ZNF16: variants seen among roughly 807,000 people sequenced by gnomAD.
The protein encoded by ZNF16 is zinc finger protein 16.
ZNF16 carries 7 observed loss-of-function variants against 9.0 expected under a neutral mutation model. The ratio of observed to expected loss-of-function variants is 0.78; its 90% CI spans 0.44 to 1.47. ZNF16 has a LOEUF of 1.47. Among genes scored for constraint, ZNF16 ranks in the 40% most tolerant of loss-of-function variants. ZNF16 has a pLI of 0.01. For missense variants in ZNF16, 830 were observed against 854.2 expected (o/e 0.97, Z 0.35); for synonymous variants, 312 against 301.5 (o/e 1.03, Z -0.36).
In ZNF16 at chr8:144,942,476, C is replaced by T. The variant is rs1394127785; in HGVS notation, c.196+3535G>A. On this transcript the variant is annotated intron_variant, in intron 2 of 2. Transcript: ENST00000394909. The stretch of plus-strand genomic sequence containing the variant: ...CTAATTTTTGTATTTTTAGTAGAGA[C>T]AGGGTTTCACCATGTTGGCCAGGCT... Among the ~76,000 whole-genome samples, 36 of 151,740 alleles carry T rather than the reference C, an allele frequency of 2.4e-4. 1 individual carries two copies. Among genetic ancestry groups the T allele is most frequent in the Admixed American group, 2.4e-3 (36 of 15,218 alleles).
intron 1 of ZNF16, among the ~76,000 whole-genome samples, chr8:144,950,062 C>T (rs376060648): frequency 3.5e-4 from 53 of 152,318 alleles, no homozygotes; most frequent in East Asian, 9.7e-4. Context: ...ATGTTGGCAG[C>T]AATGCTGCCT....
intron 2 of ZNF16, among the ~76,000 whole-genome samples, chr8:144,943,306 G>A (rs1833847431): frequency 6.6e-6 from 1 of 152,110 alleles, no homozygotes; most frequent in Non-Finnish European, 1.5e-5. Context: ...TGATTAGAAA[G>A]AGACCTGGTG....
At chr8:144,937,574 T>C (rs1833714281) in intron 2 of ZNF16, among the ~76,000 whole-genome samples, 1 of 152,222 alleles carries the variant, frequency 6.6e-6, no homozygotes, top group South Asian at 2.1e-4. Flanking sequence ...ATTGGGAAGA[T>C]TTACCCCTAC....
chr8:144,950,643 C>T (rs1416627664), intron 1 of ZNF16, 154 bp downstream of exon 1: 4 of 150,656 alleles, frequency 2.7e-5, no homozygotes, highest in Non-Finnish European at 5.9e-5. Context: ...CCCCCGCGCT[C>T]CCACAACCCC....
rs754692454 is a variant in ZNF16, at chr8:144,932,023, C to T, written c.764G>A (p.Arg255His). 3.3e-5 allele frequency: 53 copies of T among 1,613,840 alleles called. 1 individual carries two copies. The highest frequency in any genetic ancestry group is 1.6e-4 in the Middle Eastern group (1 of 6,082). Reference protein sequence around the residue: ...TFSQNSVLKNRHRSHMSEKAY... With the variant: ...TFSQNSVLKNHHRSHMSEKAY... The stretch of plus-strand genomic sequence containing the variant: ...TTTCTCACTCATATGAGATCGATGA[C>T]GGTTTTTAAGAACTGAGTTCTGGCT... The change falls in exon 3 of 3, where the codon CGT becomes CAT. Residue 255 changes from arginine (R) to histidine (H), a missense_variant. By Grantham distance (29) the Arg-to-His change is conservative (BLOSUM62 0). Transcript: ENST00000394909. This position sits in a 1 kb window ranked among gnomAD's most constrained non-coding sequence, Gnocchi z 5.0.
intron 2 of ZNF16, chr8:144,945,042 G>C (rs994924162): frequency 6.6e-6 from 1 of 151,880 alleles, no homozygotes; most frequent in African/African-American, 2.4e-5. Flanking sequence ...AAAGCTTATG[G>C]TCTTAACAGG....
rs183074938 is a variant in ZNF16 at position 144,931,545 on chromosome 8, G to A, written c.1242C>T (p.Phe414=). Residue 414 remains phenylalanine, a synonymous_variant, in exon 3 of 3, where the codon TTC becomes TTT. Coordinates refer to ENST00000394909, the MANE Select transcript of ZNF16 (RefSeq NM_006958.3). ...GCTTAATGAGGTTGGAGACCCGACT[G>A]AAGGGCTTGCCACAATCATTACACT... ...PYECNDCGKP[F]SRVSNLIKHH... 3 of 1,614,022 alleles carry A rather than the reference G, an allele frequency of 1.9e-6. No individual in the cohort carries two copies. The East Asian group carries it at 6.7e-5, about 36-fold the overall frequency.
intron 2 of ZNF16, among the ~76,000 whole-genome samples, chr8:144,934,311 C>T (rs1833630574): frequency 6.6e-6 from 1 of 152,266 alleles, no homozygotes; most frequent in Non-Finnish European, 1.5e-5. Flanking sequence ...CAGCTCCCTA[C>T]TTCCTGGAGT....
intron 1 of ZNF16, chr8:144,950,438 A>G (rs1226064305): frequency 6.6e-6 from 1 of 151,902 alleles, no homozygotes; most frequent in East Asian, 1.9e-4. Flanking sequence ...AGGGCAGGCC[A>G]CCCCTTCACC....
At chr8:144,949,855 G>A (rs758024072) in intron 1 of ZNF16, among the ~76,000 whole-genome samples, 16 of 152,156 alleles carry the variant, frequency 1.1e-4, no homozygotes, top group South Asian at 8.3e-4. Context: ...AGACCTGACC[G>A]TCCCCCAGCC....
Position 144,930,659 on chromosome 8 carries a change from G to T in ZNF16, c.*79C>A. 6.8e-7 allele frequency: 1 copy of T among 1,467,954 alleles called. No individual in the cohort carries two copies. The highest frequency in any genetic ancestry group is 9.1e-7 in the Non-Finnish European group (1 of 1,100,520). The allele number at this position is 1,467,954 out of a possible 1,614,324, so 90.9% of individuals were successfully genotyped here. On this transcript the variant is annotated 3_prime_UTR_variant, in exon 3 of 3. Coordinates refer to ENST00000394909, the MANE Select transcript of ZNF16 (RefSeq NM_006958.3). Reference sequence around the variant, plus strand: ...TGAGTCCAGGCTTTCGGTCTGGGAAGTGGCAGAGGCTGAGACAATGGCCAA... The same window carrying T: ...TGAGTCCAGGCTTTCGGTCTGGGAATTGGCAGAGGCTGAGACAATGGCCAA...
rs1833611210 is a variant in ZNF16 at position 144,933,709 on chromosome 8, A to G, written c.197-1119T>C. 6.6e-6 allele frequency among the ~76,000 whole-genome samples: 1 copy of G among 151,674 alleles called. No homozygotes were observed. Among genetic ancestry groups the G allele is most frequent in the Non-Finnish European group, 1.5e-5 (1 of 67,922 alleles). Reference sequence around the variant, plus strand: ...CCTGGCCCTCCTAGACCCCACCTCTACCTCTGCTCCTGCTATACTCTGAGC... The same window carrying G: ...CCTGGCCCTCCTAGACCCCACCTCTGCCTCTGCTCCTGCTATACTCTGAGC... On this transcript the variant is annotated intron_variant, in intron 2 of 2. Transcript: ENST00000394909. This position sits in a 1 kb window ranked among gnomAD's most constrained non-coding sequence, Gnocchi z 5.6.
rs952417772 is a variant in ZNF16 at position 144,933,863 on chromosome 8, C to A, written c.197-1273G>T. Among the ~76,000 whole-genome samples the A allele has an allele frequency of 6.6e-5, 10 of 152,196 alleles. No individual in the cohort carries two copies. On this transcript the variant is annotated intron_variant, in intron 2 of 2. Transcript: ENST00000394909. This position sits in a 1 kb window ranked among gnomAD's most constrained non-coding sequence, Gnocchi z 5.6. ...CCTGATCATAAATGCCAGCACCCCA[C>A]CTACTTTCCTTGCCCCCACCCTGGC... is the stretch of plus-strand genomic sequence containing the variant.
chr8:144,931,879 C>T lies in ZNF16; in HGVS notation c.908G>A (p.Ser303Asn), dbSNP rs80044147. 3.2e-3 allele frequency: 5,146 copies of T among 1,614,206 alleles called. 15 individuals are homozygous for T. Among genetic ancestry groups the T allele is most frequent in the Non-Finnish European group, 4.2e-3 (4,950 of 1,180,044 alleles). The part of the protein sequence containing the change: ...YMCNECGKAF[S>N]QNSSLKKHQK... Reference sequence around the variant, plus strand: ...GTGCTTTTTAAGGCTCGAGTTCTGGCTGAAGGCTTTTCCACATTCATTACA... The same window carrying T: ...GTGCTTTTTAAGGCTCGAGTTCTGGTTGAAGGCTTTTCCACATTCATTACA... Residue 303 changes from serine to asparagine, a missense_variant, in exon 3 of 3, where the codon AGC becomes AAC. Physicochemically the swap from Ser to Asn is conservative, Grantham distance 46 (BLOSUM62 1). Coordinates refer to ENST00000394909, the MANE Select transcript of ZNF16 (RefSeq NM_006958.3).
chr8:144,936,105 C>A (rs941410794), intron 2 of ZNF16, among the ~76,000 whole-genome samples: 29 of 152,210 alleles, frequency 1.9e-4, no homozygotes, highest in African/African-American at 6.3e-4. Flanking sequence ...CAGGCCCTGG[C>A]AACCACTAAT....
intron 1 of ZNF16, among the ~76,000 whole-genome samples, chr8:144,949,414 C>A (rs553352644): frequency 6.6e-6 from 1 of 152,332 alleles, no homozygotes; most frequent in African/African-American, 2.4e-5. Context: ...GTCTCCCATG[C>A]GCTGGGAACC....
chr8:144,930,416 G>T lies in ZNF16; in HGVS notation c.*322C>A. Reference sequence around the variant, plus strand: ...AACCAAACGTCACTTTACTTTTTTGGTAACTTTTCATTATAATAATAAACT... The same window carrying T: ...AACCAAACGTCACTTTACTTTTTTGTTAACTTTTCATTATAATAATAAACT... On this transcript the variant is annotated 3_prime_UTR_variant, in exon 3 of 3. Coordinates refer to ENST00000394909, the MANE Select transcript of ZNF16 (RefSeq NM_006958.3). 3.8e-6 allele frequency: 1 copy of T among 265,696 alleles called. No homozygotes were observed. Among genetic ancestry groups the T allele is most frequent in the Non-Finnish European group, 7.1e-6 (1 of 141,508 alleles). 16.5% of individuals were successfully genotyped at this position (265,696 alleles called of 1,614,324 possible).
intron 1 of ZNF16, among the ~76,000 whole-genome samples, chr8:144,947,228 G>C (rs940903470): frequency 5.6e-5 from 8 of 142,278 alleles, no homozygotes; most frequent in Non-Finnish European, 1.0e-4. Context: ...CCTGCTGTTG[G>C]GCTTGTGTCC....
intron 2 of ZNF16, among the ~76,000 whole-genome samples, chr8:144,943,319 G>A (rs1563923632): frequency 6.6e-6 from 1 of 152,038 alleles, no homozygotes. Flanking sequence ...ACCTGGTGTG[G>A]ATCTCTTTAA....
Sources: gnomAD v4.1 joint callset for allele counts (sites outside exome capture counted in the v4.1 genomes callset) on GRCh38, gnomAD v4.1.1 for gene constraint, Gnocchi (gnomAD v3.1) non-coding constraint, MANE v1.5 for transcripts, NCBI Gene and HGNC (gene_info 2026-07-23, HGNC 2026-07-21) for gene names.